ANKS1A: variants seen among roughly 807,000 people sequenced by gnomAD.
ANKS1A encodes ankyrin repeat and SAM domain-containing protein 1A.
Under a neutral mutation model 120.3 loss-of-function variants are expected in ANKS1A, and 55 were observed. The ratio of observed to expected loss-of-function variants is 0.46; its 90% CI spans 0.37 to 0.57. The LOEUF (loss-of-function observed/expected upper bound fraction) is 0.57, where lower values mean the gene tolerates loss of function less well. ANKS1A is among the 20% of genes least tolerant of loss of function. The pLI, the probability that ANKS1A is intolerant of heterozygous loss-of-function variation, is 0.00. For missense variants in ANKS1A, 1,123 were observed against 1,480.3 expected (o/e 0.76, Z 3.96); for synonymous variants, 590 against 604.7 (o/e 0.98, Z 0.36).
intron 1 of ANKS1A, among the ~76,000 whole-genome samples, chr6:34,895,156 T>C (rs1767007559): frequency 6.6e-6 from 1 of 151,776 alleles, no homozygotes; most frequent in Admixed American, 6.6e-5. Context: ...TAATTCATTG[T>C]TGTAAAGAAA....
At chr6:34,974,429 C>CCTTT (rs1191583074) in intron 3 of ANKS1A, among the ~76,000 whole-genome samples, 2 of 125,222 alleles carry the variant, frequency 1.6e-5, no homozygotes, top group African/African-American at 3.0e-5. Flanking sequence ...CTTCCCCTTT[C>CCTTT]CTTTCTTTCT....
chr6:35,002,889 G>C (rs368792212), intron 10 of ANKS1A, among the ~76,000 whole-genome samples: 1 of 150,606 alleles, frequency 6.6e-6, no homozygotes, highest in Non-Finnish European at 1.5e-5. Flanking sequence ...AGTTCAAACC[G>C]CACAGATAAA....
chr6:34,985,438 C>G (rs1772145545), intron 8 of ANKS1A, among the ~76,000 whole-genome samples, 160 bp downstream of exon 8: 1 of 152,150 alleles, frequency 6.6e-6, no homozygotes, highest in Non-Finnish European at 1.5e-5. Flanking sequence ...TGCTGGGTCT[C>G]TCTTGCTGAG....
intron 11 of ANKS1A, among the ~76,000 whole-genome samples, chr6:35,051,698 G>A (rs1775977502): frequency 6.6e-6 from 1 of 152,246 alleles, no homozygotes; most frequent in African/African-American, 2.4e-5. Context: ...AGCTCTGCGT[G>A]TGAGTAGAAT....
At chr6:34,938,869 T>A (rs1769392260) in intron 1 of ANKS1A, among the ~76,000 whole-genome samples, 1 of 152,184 alleles carries the variant, frequency 6.6e-6, no homozygotes, top group Non-Finnish European at 1.5e-5. Context: ...ACGCCTGTAA[T>A]CCCACCTACG....
At chr6:34,951,687 C>T (rs1770099814) in intron 1 of ANKS1A, among the ~76,000 whole-genome samples, 1 of 151,956 alleles carries the variant, frequency 6.6e-6, no homozygotes, top group South Asian at 2.1e-4. Context: ...TTAATGTCCC[C>T]AAAATGACAA....
At chr6:35,056,291 G>A (rs1776215984) in intron 12 of ANKS1A, among the ~76,000 whole-genome samples, 1 of 152,060 alleles carries the variant, frequency 6.6e-6, no homozygotes, top group Non-Finnish European at 1.5e-5. Context: ...TTTTATTTTT[G>A]TTGTTGTTGT....
chr6:34,924,701 T>C (rs1044353899), intron 1 of ANKS1A, among the ~76,000 whole-genome samples: 1 of 152,212 alleles, frequency 6.6e-6, no homozygotes, highest in African/African-American at 2.4e-5. Context: ...TATTTATTCA[T>C]TGTTTACAAA....
chr6:35,064,044 G>T (rs915952595), intron 13 of ANKS1A, among the ~76,000 whole-genome samples: 5 of 152,226 alleles, frequency 3.3e-5, no homozygotes, highest in African/African-American at 4.8e-5. Context: ...CTGCTGGGGG[G>T]CAGTGACGGG....
chr6:34,936,688 A>G (rs1007700345), intron 1 of ANKS1A, among the ~76,000 whole-genome samples: 1 of 152,170 alleles, frequency 6.6e-6, no homozygotes, highest in East Asian at 1.9e-4. Context: ...AATGGCGGTG[A>G]TAGCTCCCAA....
intron 1 of ANKS1A, among the ~76,000 whole-genome samples, chr6:34,921,180 C>T (rs1356044234): frequency 1.5e-4 from 23 of 152,204 alleles, no homozygotes; most frequent in Admixed American, 1.5e-3. Flanking sequence ...ACCTGGATTT[C>T]TGATTGATAC....
chr6:35,048,905 G>A (rs1775844152), intron 11 of ANKS1A, among the ~76,000 whole-genome samples: 1 of 152,214 alleles, frequency 6.6e-6, no homozygotes, highest in South Asian at 2.1e-4. Context: ...GTCCAAGCAA[G>A]GCCATCGAGC....
downstream of ANKS1A, among the ~76,000 whole-genome samples, chr6:35,093,754 G>A (rs1778378257): frequency 6.6e-6 from 1 of 152,116 alleles, no homozygotes; most frequent in Non-Finnish European, 1.5e-5. Context: ...CAGAGGACCA[G>A]GAAAGGGGCA....
intron 10 of ANKS1A, among the ~76,000 whole-genome samples, chr6:35,015,839 A>G (rs1026260922): frequency 2.0e-5 from 3 of 152,222 alleles, no homozygotes; most frequent in African/African-American, 7.2e-5. Flanking sequence ...GTTTTAGTAC[A>G]TTGTGTTTAT....
At position 34,981,765 on chromosome 6, in the gene ANKS1A, G is replaced by T. The variant is rs1177083800; in HGVS notation, c.511G>T (p.Glu171Ter). Reference sequence around the variant, plus strand: ...AGAGGTGGTGAAGGTGCTCTTAGAGGAGCTGACGGACCCCACCATGCGCAA... The same window carrying T: ...AGAGGTGGTGAAGGTGCTCTTAGAGTAGCTGACGGACCCCACCATGCGCAA... ...HTEVVKVLLE[E>*]LTDPTMRNNK... Residue 171 changes from glutamate to a stop codon, truncating the protein, a stop_gained, in exon 4 of 24, where the codon GAG (glutamate) becomes TAG (stop). Transcript: ENST00000360359. LOFTEE classifies it high-confidence loss of function. The T allele has an allele frequency of 6.2e-7, 1 of 1,614,156 alleles. No homozygotes were observed. Among genetic ancestry groups the T allele is most frequent in the Non-Finnish European group, 8.5e-7 (1 of 1,180,024 alleles).
At chr6:34,949,954 C>T (rs1581736539) in intron 1 of ANKS1A, among the ~76,000 whole-genome samples, 1 of 150,008 alleles carries the variant, frequency 6.7e-6, no homozygotes, top group East Asian at 1.9e-4. Context: ...TTCTCCAGAA[C>T]TCCTTCTTAA....
At chr6:34,958,072 A>G (rs1168920965) in intron 1 of ANKS1A, among the ~76,000 whole-genome samples, 1 of 152,222 alleles carries the variant, frequency 6.6e-6, no homozygotes, top group Non-Finnish European at 1.5e-5. Context: ...TTTATATAAC[A>G]TAGGATTATG....
intron 1 of ANKS1A, among the ~76,000 whole-genome samples, chr6:34,938,916 A>T (rs538561398): frequency 1.1e-4 from 17 of 152,270 alleles, no homozygotes; most frequent in Middle Eastern, 3.4e-3. Flanking sequence ...TGAACCCGGG[A>T]GGTGGAGGTT....
chr6:35,055,092 G>A (rs941199196), intron 12 of ANKS1A, among the ~76,000 whole-genome samples: 5 of 152,238 alleles, frequency 3.3e-5, no homozygotes, highest in Non-Finnish European at 5.9e-5. Context: ...TGGGCAGGAA[G>A]TCTGATGGGT....
Sources: allele counts gnomAD v4.1 joint callset (sites outside exome capture counted in the v4.1 genomes callset), GRCh38; gene constraint gnomAD v4.1.1; transcripts MANE v1.5; gene names NCBI Gene and HGNC (gene_info 2026-07-23, HGNC 2026-07-21).